MICAL2: variants seen among roughly 807,000 people sequenced by gnomAD.
MICAL2 encodes [F-actin]-monooxygenase MICAL2.
MICAL2 carries 77 observed loss-of-function variants against 127.3 expected under a neutral mutation model. That is an observed-to-expected ratio of 0.60 (90% CI 0.50 to 0.73). MICAL2 has a LOEUF of 0.73. Ranked by LOEUF, MICAL2 falls within the 30% of genes least tolerant of loss-of-function variation. The pLI is 0.00. For missense variants in MICAL2, 1,351 were observed against 1,434.4 expected, an observed-to-expected ratio of 0.94 and a Z score of 0.94; for synonymous variants, 570 against 551.1, an observed-to-expected ratio of 1.03 and a Z score of -0.48.
intron 1 of MICAL2, among the ~76,000 whole-genome samples, chr11:12,278,502 A>C (rs1863742428): frequency 6.6e-6 from 1 of 152,252 alleles, no homozygotes; most frequent in South Asian, 2.1e-4. Flanking sequence ...CCACCATCAA[A>C]TATGGGTTAT....
chr11:12,271,820 G>A (rs541135752), upstream of MICAL2, among the ~76,000 whole-genome samples: 12 of 152,284 alleles, frequency 7.9e-5, no homozygotes, highest in East Asian at 2.3e-3. Context: ...ACTAGCCATG[G>A]CCTGAGTGTT....
intron 32 of MICAL2, among the ~76,000 whole-genome samples, chr11:12,348,338 TA>T (rs1157388312): frequency 6.6e-6 from 1 of 152,136 alleles, no homozygotes; most frequent in Admixed American, 6.5e-5. Context: ...CTTTGTGAAA[TA>T]TTTTTTTCTG....
At chr11:12,349,886 T>G (rs1323347283) in exon 33 of MICAL2, 8 of 1,614,140 alleles carry the variant, frequency 5.0e-6, no homozygotes, top group Non-Finnish European at 5.9e-6. Context: ...TGGTTTAAGC[T>G]GGTTCTGGAG....
intron 33 of MICAL2, among the ~76,000 whole-genome samples, chr11:12,353,679 C>A (rs1362778288): frequency 6.6e-6 from 1 of 152,116 alleles, no homozygotes; most frequent in Admixed American, 6.5e-5. Flanking sequence ...TTCCATCTAA[C>A]CTTCCCTGAG....
At chr11:12,192,018 C>G (rs985211099) in intron 3 of MICAL2, among the ~76,000 whole-genome samples, 3 of 152,038 alleles carry the variant, frequency 2.0e-5, no homozygotes, top group Admixed American at 2.0e-4. Flanking sequence ...CTCTGGGCTC[C>G]CTGAAATAAC....
At position 12,280,937 on chromosome 11, in the gene MICAL2, GAC is replaced by G; in HGVS notation, c.96_97del (p.Thr33ArgfsTer3). ...CCCACTCCTTCCTCCTTCCAGCTCT[GAC>G]ACAGAGTCTGACTATGGTGGCAGCG... On this transcript the variant is annotated frameshift_variant, in exon 2 of 3. Coordinates refer to the MICAL2 transcript ENST00000529028. LOFTEE classifies it high-confidence loss of function. 1 of 399,156 alleles carries G rather than the reference GAC, an allele frequency of 2.5e-6. No homozygotes were observed. The highest frequency in any genetic ancestry group is 4.4e-6 in the Non-Finnish European group (1 of 226,228). The allele number at this position is 399,156 out of a possible 1,614,324, so 24.7% of individuals were successfully genotyped here. A position where few individuals can be genotyped will look rare whatever the true frequency, so the allele number is the denominator to read the frequency against.
intron 32 of MICAL2, among the ~76,000 whole-genome samples, chr11:12,347,098 G>A (rs4757381): frequency 0.38 from 56,962 of 148,954 alleles, 12,106 homozygotes; most frequent in Non-Finnish European, 0.49. Flanking sequence ...TGTCTCCACC[G>A]TCTTCTTCCC....
intron 32 of MICAL2, among the ~76,000 whole-genome samples, chr11:12,337,609 C>G (rs1361436989): frequency 3.4e-4 from 51 of 152,072 alleles, no homozygotes; most frequent in African/African-American, 1.2e-3. Context: ...AAATTTCCCT[C>G]TACACACTGC....
At chr11:12,277,267 A>G (rs1863731577) in intron 1 of MICAL2, among the ~76,000 whole-genome samples, 1 of 151,996 alleles carries the variant, frequency 6.6e-6, no homozygotes, top group South Asian at 2.1e-4. Context: ...GAGGGGAGGC[A>G]TCCAAGATCT....
intron 1 of MICAL2, among the ~76,000 whole-genome samples, chr11:12,126,119 C>T (rs1425733567): frequency 6.6e-6 from 1 of 152,196 alleles, no homozygotes; most frequent in African/African-American, 2.4e-5. Flanking sequence ...GTAAACAGGG[C>T]CTCTCCCTCA....
intron 15 of MICAL2, among the ~76,000 whole-genome samples, chr11:12,235,116 G>A (rs892780330): frequency 1.3e-5 from 2 of 152,168 alleles, no homozygotes; most frequent in South Asian, 4.1e-4. Flanking sequence ...TAGCAGAGAG[G>A]TCTTACCCCA....
chr11:12,114,126 C>T (rs148189860), intron 1 of MICAL2, among the ~76,000 whole-genome samples: 61 of 152,328 alleles, frequency 4.0e-4, no homozygotes, highest in African/African-American at 1.4e-3. Context: ...ATACTCATTA[C>T]CCAGCTTCCA....
chr11:12,342,757 C>T (rs1389703779), intron 32 of MICAL2, among the ~76,000 whole-genome samples: 1 of 152,228 alleles, frequency 6.6e-6, no homozygotes, highest in Non-Finnish European at 1.5e-5. Context: ...GGAGGAGACT[C>T]AGGCAGACAG....
At chr11:12,123,167 T>G (rs1309908572) in intron 1 of MICAL2, among the ~76,000 whole-genome samples, 2 of 152,222 alleles carry the variant, frequency 1.3e-5, no homozygotes, top group African/African-American at 4.8e-5. Context: ...TTGCTTAAAA[T>G]TTTTATTCTA....
At chr11:12,136,488 C>T (rs149889438) in intron 1 of MICAL2, among the ~76,000 whole-genome samples, 130 of 152,196 alleles carry the variant, frequency 8.5e-4, no homozygotes, top group African/African-American at 2.8e-3. Context: ...TAATCCCTCC[C>T]TCTTATAACA....
chr11:12,204,426 G>A lies in MICAL2; in HGVS notation c.441G>A (p.Gly147=), dbSNP rs1309190603. The A allele has an allele frequency of 6.2e-7, 1 of 1,614,196 alleles. No homozygotes were observed. Among genetic ancestry groups the A allele is most frequent in the African/African-American group, 1.3e-5 (1 of 75,032 alleles). ...LRGLGAKKFY[G]KFCAGSIDHI... ...GCCTGGGAGCCAAGAAGTTCTATGG[G>A]AAGTTCTGTGCTGGCTCCATCGACC... The change falls in exon 4 of 28, where the codon GGG becomes GGA. Residue 147 remains glycine (G), a synonymous_variant. Transcript: ENST00000683283.
chr11:12,226,426 T>G, intron 14 of MICAL2, 56 bp downstream of exon 14: 1 of 1,558,518 alleles, frequency 6.4e-7, no homozygotes, highest in Non-Finnish European at 8.8e-7. Context: ...TGTCCCTGTC[T>G]CTGAGTCTGG....
rs142252750 is a variant in MICAL2 at position 12,241,073 on chromosome 11, C to T, written c.2248C>T (p.Leu750=). The T allele has an allele frequency of 3.1e-6, 5 of 1,614,088 alleles. No individual in the cohort carries two copies. The African/African-American group carries it at 6.7e-5, about 22-fold the overall frequency. ...RRVSGIGKPV[L]CSSSGPPVHS... ...TGTCTCAGGGATAGGTAAGCCGGTC[C>T]TGTGCTCTTCCTCCGGCCCTCCTGT... The change falls in exon 18 of 28, where the codon CTG becomes TTG. Residue 750 remains leucine (L), a synonymous_variant. Coordinates refer to ENST00000683283, the MANE Select transcript of MICAL2 (RefSeq NM_001282663.2).
chr11:12,163,490 A>T (rs1288558304), intron 3 of MICAL2, among the ~76,000 whole-genome samples: 2 of 152,134 alleles, frequency 1.3e-5, no homozygotes, highest in African/African-American at 4.8e-5. Context: ...CCACCATGGG[A>T]TATGCTGCTT....
Sources: allele counts gnomAD v4.1 joint callset (sites outside exome capture counted in the v4.1 genomes callset), GRCh38; gene constraint gnomAD v4.1.1; transcripts MANE v1.5; gene names NCBI Gene and HGNC (gene_info 2026-07-23, HGNC 2026-07-21).